Variants in TPD52 observed in about 807,000 individuals in gnomAD.
The protein encoded by TPD52 is tumor protein D52.
Under a neutral mutation model 31.3 loss-of-function variants are expected in TPD52, and 17 were observed. That is an observed-to-expected ratio of 0.54 (90% CI 0.37 to 0.82). The LOEUF (loss-of-function observed/expected upper bound fraction) is 0.82. TPD52 is among the 40% of genes least tolerant of loss of function. The pLI is 0.00. For missense variants in TPD52, 212 were observed against 240.1 expected (o/e 0.88, Z 0.77); for synonymous variants, 83 against 89.6 (o/e 0.93, Z 0.42).
intron 1 of TPD52, among the ~76,000 whole-genome samples, chr8:80,078,168 C>T (rs1426979947): frequency 2.6e-5 from 4 of 152,218 alleles, no homozygotes; most frequent in African/African-American, 4.8e-5. Context: ...TCCTAACCTT[C>T]GCTTTAATTA....
At chr8:80,081,710 T>C (rs1316010598) in intron 1 of TPD52, among the ~76,000 whole-genome samples, 4 of 125,910 alleles carry the variant, frequency 3.2e-5, no homozygotes, top group Non-Finnish European at 5.0e-5. Context: ...TGTATTCATC[T>C]TGTGATTTTT....
At chr8:80,110,472 C>T (rs916035446) in intron 1 of TPD52, among the ~76,000 whole-genome samples, 2 of 151,704 alleles carry the variant, frequency 1.3e-5, no homozygotes, top group African/African-American at 4.8e-5. Flanking sequence ...GTGGCACTTA[C>T]GTCCAAGTTT....
intron 1 of TPD52, among the ~76,000 whole-genome samples, chr8:80,065,175 CA>C (rs146127870): frequency 0.016 from 2,444 of 151,972 alleles, 65 homozygotes; most frequent in African/African-American, 0.056. Context: ...GAGGTAGAGA[CA>C]GGGTGTCGCT....
At chr8:80,032,784 GAAGA>G (rs1200632040), downstream of TPD52, 1 of 152,264 alleles carries the variant, frequency 6.6e-6, no homozygotes, top group African/African-American at 2.4e-5. Flanking sequence ...TGCAAACCAA[GAAGA>G]AAGGATAGTG....
At chr8:80,101,824 G>A (rs1806765252) in intron 1 of TPD52, among the ~76,000 whole-genome samples, 1 of 152,310 alleles carries the variant, frequency 6.6e-6, no homozygotes. Context: ...CACCTCCCAT[G>A]AGGCCACACT....
intron 5 of TPD52, among the ~76,000 whole-genome samples, chr8:80,045,524 G>C (rs1330789629): frequency 1.3e-5 from 2 of 152,232 alleles, no homozygotes. Context: ...TGGACACTTA[G>C]ATGTTGAAGA....
At chr8:80,102,178 C>T (rs1224306056) in intron 1 of TPD52, among the ~76,000 whole-genome samples, 1 of 152,228 alleles carries the variant, frequency 6.6e-6, no homozygotes, top group Non-Finnish European at 1.5e-5. Flanking sequence ...AGCAGCTTAG[C>T]TGAGTGGTTC....
chr8:80,171,227 C>A, intron 1 of TPD52, 198 bp downstream of exon 1: 1 of 728,494 alleles, frequency 1.4e-6, no homozygotes, highest in South Asian at 1.5e-5. Flanking sequence ...GCAGTCCCAT[C>A]TGCCCCCGCC....
intron 4 of TPD52, among the ~76,000 whole-genome samples, chr8:80,051,007 A>T (rs555391991): frequency 6.6e-6 from 1 of 152,158 alleles, no homozygotes; most frequent in South Asian, 2.1e-4. Flanking sequence ...TAAATGAAAA[A>T]AAAAAAAAGC....
At chr8:80,136,250 C>G (rs140743714) in intron 1 of TPD52, among the ~76,000 whole-genome samples, 1 of 141,920 alleles carries the variant, frequency 7.0e-6, no homozygotes, top group Non-Finnish European at 1.5e-5. Context: ...AATGGCCGGG[C>G]GCGGTGGCTC....
chr8:80,089,295 T>C (rs1816069981), intron 1 of TPD52, among the ~76,000 whole-genome samples: 1 of 152,000 alleles, frequency 6.6e-6, no homozygotes, highest in African/African-American at 2.4e-5. Flanking sequence ...GAAGCCAACG[T>C]GTGATACCCC....
intron 1 of TPD52, among the ~76,000 whole-genome samples, chr8:80,165,462 C>T (rs1382425390): frequency 6.6e-6 from 1 of 152,188 alleles, no homozygotes; most frequent in African/African-American, 2.4e-5. Flanking sequence ...CCAAAACATT[C>T]CACTTTAGCA....
chr8:80,105,571 G>A (rs1297988051), intron 1 of TPD52, among the ~76,000 whole-genome samples: 2 of 152,068 alleles, frequency 1.3e-5, no homozygotes, highest in Non-Finnish European at 2.9e-5. Flanking sequence ...TGAGCCATGA[G>A]TCTTGCTGAT....
chr8:80,080,203 C>T (rs1393106138), intron 1 of TPD52: 1 of 919,972 alleles, frequency 1.1e-6, no homozygotes, highest in Admixed American at 2.4e-5. Flanking sequence ...CTAGTTACAA[C>T]CCAACACCAC....
At chr8:80,099,509 C>CTTTTTTTTTTT (rs756408673) in intron 1 of TPD52, among the ~76,000 whole-genome samples, 1 of 134,588 alleles carries the variant, frequency 7.4e-6, no homozygotes, top group Non-Finnish European at 1.6e-5. Context: ...GGTCTAACAT[C>CTTTTTTTTTTT]TTTTTTTTTT....
intron 4 of TPD52, among the ~76,000 whole-genome samples, chr8:80,050,858 C>T (rs902557706): frequency 1.1e-4 from 16 of 151,924 alleles, no homozygotes; most frequent in African/African-American, 3.9e-4. Context: ...ACAAATCTTG[C>T]ATGCCAACAG....
At position 80,044,122 on chromosome 8, in the gene TPD52, A is replaced by G. The variant is rs775207006; in HGVS notation, c.455+45T>C. 7 of 1,510,500 alleles carry G rather than the reference A, an allele frequency of 4.6e-6. No homozygotes were observed. The South Asian group carries it at 8.6e-5, about 19-fold the overall frequency. The allele number at this position is 1,510,500 out of a possible 1,614,324, so 93.6% of individuals were successfully genotyped here. A position where few individuals can be genotyped will look rare whatever the true frequency, so the allele number is the denominator to read the frequency against. ...TCAAGTTAAACATCTAAATAAAGAA[A>G]AATAAAGCATAAGACCAACTACATT... is the stretch of plus-strand genomic sequence containing the variant. On this transcript the variant is annotated intron_variant, in intron 6 of 7. Transcript: ENST00000518937.
rs930485419 is a variant in TPD52 at position 80,127,996 on chromosome 8, GT to G, written c.19+43428del. 6.7e-4 allele frequency among the ~76,000 whole-genome samples: 91 copies of G among 136,800 alleles called. 1 individual carries two copies. Among genetic ancestry groups the G allele is most frequent in the Non-Finnish European group, 9.9e-4 (64 of 64,708 alleles). The allele number at this position is 136,800 out of a possible 152,430, so 89.7% of individuals were successfully genotyped here. A position where few individuals can be genotyped will look rare whatever the true frequency, so the allele number is the denominator to read the frequency against. ...TGGTTTTGGTTTGTATTTCTGTTTT[GT>G]TTTTTTTTTTACATTTTCTAACAAG... On this transcript the variant is annotated intron_variant, in intron 1 of 7. Coordinates refer to ENST00000518937, the MANE Select transcript of TPD52 (RefSeq NM_001025253.3).
chr8:80,115,031 G>A (rs1264957668), intron 1 of TPD52, among the ~76,000 whole-genome samples: 3 of 152,194 alleles, frequency 2.0e-5, no homozygotes, highest in African/African-American at 4.8e-5. Context: ...TGCCTATTGC[G>A]TTGCACATTT....
Sources: gnomAD v4.1 joint callset for allele counts (sites outside exome capture counted in the v4.1 genomes callset) on GRCh38, gnomAD v4.1.1 for gene constraint, MANE v1.5 for transcripts, NCBI Gene and HGNC (gene_info 2026-07-23, HGNC 2026-07-21) for gene names.